SNU13: variants seen among roughly 807,000 people sequenced by gnomAD.
The protein encoded by SNU13 is small nuclear ribonucleoprotein 13, also known as NHP2-like protein 1.
In SNU13, 2 loss-of-function variants were observed where a neutral mutation model predicts 12.4. That is an observed-to-expected ratio of 0.16 (90% CI 0.07 to 0.51). SNU13 has a LOEUF of 0.51. Among genes scored for constraint, SNU13 ranks in the 20% least tolerant of loss-of-function variants. SNU13 has a pLI of 0.96. For missense variants in SNU13, 66 were observed against 157.8 expected (o/e 0.42, Z 3.12); for synonymous variants, 68 against 66.5 (o/e 1.02, Z -0.11).
At position 41,680,293 on chromosome 22, in the gene SNU13, G is replaced by A. The variant is rs140792249; in HGVS notation, c.75C>T (p.Leu25=). 7.5e-4 allele frequency: 1,207 copies of A among 1,613,922 alleles called. 2 individuals are homozygous for A. Among genetic ancestry groups the A allele is most frequent in the Non-Finnish European group, 9.3e-4 (1,092 of 1,179,916 alleles). ...DAHLTKKLLD[L]VQQSCNYKQL... Reference sequence around the variant, plus strand: ...GCTTATAGTTACATGACTGCTGAACGAGGTCCAGTAGCTTCTTGGTGAGGT... The same window carrying A: ...GCTTATAGTTACATGACTGCTGAACAAGGTCCAGTAGCTTCTTGGTGAGGT... The change falls in exon 2 of 3, where the codon CTC becomes CTT. Residue 25 remains leucine (L), a synonymous_variant. Coordinates refer to ENST00000401959, the MANE Select transcript of SNU13 (RefSeq NM_001003796.2).
chr22:41,688,873 ACT>A, upstream of SNU13: 1 of 1,507,196 alleles, frequency 6.6e-7, no homozygotes, highest in Non-Finnish European at 9.0e-7. Context: ...CACCGGAAAA[ACT>A]CACAGAAGCA....
chr22:41,680,790 G>A (rs925117068), intron 1 of SNU13, among the ~76,000 whole-genome samples: 1 of 152,200 alleles, frequency 6.6e-6, no homozygotes, highest in African/African-American at 2.4e-5. Context: ...TGCCTCCCGA[G>A]TTCAAATGAT....
chr22:41,689,802 AC>A (rs2068345669), upstream of SNU13, among the ~76,000 whole-genome samples: 1 of 149,482 alleles, frequency 6.7e-6, no homozygotes, highest in African/African-American at 2.5e-5. Context: ...ATATGGAGAA[AC>A]CCCCGTCTCT....
At chr22:41,677,913 C>T (rs902975355) in intron 2 of SNU13, among the ~76,000 whole-genome samples, 2 of 152,114 alleles carry the variant, frequency 1.3e-5, no homozygotes, top group Non-Finnish European at 2.9e-5. Flanking sequence ...CTGAATACTC[C>T]ATCTAAAAAG....
chr22:41,690,158 C>A (rs1327605220), upstream of SNU13, among the ~76,000 whole-genome samples: 1 of 152,006 alleles, frequency 6.6e-6, no homozygotes, highest in East Asian at 1.9e-4. Context: ...AAGTAATTCC[C>A]CCACAGGAAA....
At chr22:41,684,293 G>C (rs76424328) in intron 1 of SNU13, among the ~76,000 whole-genome samples, 10,170 of 152,238 alleles carry the variant, frequency 0.067, 1,088 homozygotes, top group African/African-American at 0.23. Context: ...AGACCCAGCA[G>C]TATGCTCTAC....
intron 2 of SNU13, among the ~76,000 whole-genome samples, chr22:41,677,564 A>C (rs1287595246): frequency 6.6e-6 from 1 of 152,128 alleles, no homozygotes; most frequent in Non-Finnish European, 1.5e-5. Context: ...AATACCTGAC[A>C]CATGGCAAAT....
At chr22:41,685,430 C>T (rs1357737553) in intron 1 of SNU13, among the ~76,000 whole-genome samples, 2 of 151,822 alleles carry the variant, frequency 1.3e-5, no homozygotes, top group East Asian at 2.0e-4. Context: ...CTCGGCTCAC[C>T]GCAACTTCTG....
At chr22:41,685,130 G>A (rs1177459217) in intron 1 of SNU13, among the ~76,000 whole-genome samples, 1 of 148,552 alleles carries the variant, frequency 6.7e-6, no homozygotes, top group Non-Finnish European at 1.5e-5. Context: ...ACTCCAGCCT[G>A]GGCGAAAGAG....
chr22:41,686,903 G>C (rs904397164), intron 1 of SNU13, among the ~76,000 whole-genome samples: 3 of 151,810 alleles, frequency 2.0e-5, no homozygotes, highest in African/African-American at 7.3e-5. Context: ...GGGATTACAG[G>C]CGTGAGCCAC....
chr22:41,681,935 C>G (rs184272182), intron 1 of SNU13, among the ~76,000 whole-genome samples: 15 of 152,240 alleles, frequency 9.9e-5, no homozygotes, highest in African/African-American at 3.1e-4. Flanking sequence ...CTGCCTATTC[C>G]GCTCCTTCCA....
At chr22:41,684,373 T>C (rs893736254) in intron 1 of SNU13, among the ~76,000 whole-genome samples, 3 of 152,220 alleles carry the variant, frequency 2.0e-5, no homozygotes, top group Non-Finnish European at 2.9e-5. Flanking sequence ...TATTTTGTGC[T>C]AGTGTTTTTT....
intron 2 of SNU13, among the ~76,000 whole-genome samples, chr22:41,677,093 T>C (rs530597467): frequency 1.3e-5 from 2 of 152,340 alleles, no homozygotes; most frequent in African/African-American, 4.8e-5. Flanking sequence ...CACGCATCTT[T>C]CTTTTCCACT....
At chr22:41,682,448 C>T in intron 1 of SNU13, 1 of 1,607,290 alleles carries the variant, frequency 6.2e-7, no homozygotes, top group Non-Finnish European at 8.5e-7. Context: ...CGCAAGGACA[C>T]GGATGCCCCG....
chr22:41,681,776 G>A (rs2068265429), intron 1 of SNU13, among the ~76,000 whole-genome samples: 3 of 152,208 alleles, frequency 2.0e-5, no homozygotes, highest in Admixed American at 2.0e-4. Flanking sequence ...TACTCGAGAG[G>A]CTGACGCAGA....
In SNU13 at chr22:41,688,819, C is replaced by A; in HGVS notation, c.-23G>T. 2 of 1,598,754 alleles carry A rather than the reference C, an allele frequency of 1.3e-6. 1 individual carries two copies. The highest frequency in any genetic ancestry group is 2.2e-5 in the South Asian group (2 of 90,448). The stretch of plus-strand genomic sequence containing the variant: ...CATGGCTGCGGTTCCGCGGGCTCAG[C>A]ACTCCTAGGGGAGCGCAGCTGACGT... On this transcript the variant is annotated 5_prime_UTR_variant, in exon 1 of 3. Coordinates refer to ENST00000401959, the MANE Select transcript of SNU13 (RefSeq NM_001003796.2).
At chr22:41,675,219 T>A (rs1451649729) in intron 2 of SNU13, 24 bp from the exon 3 acceptor site, 1 of 1,607,480 alleles carries the variant, frequency 6.2e-7, no homozygotes, top group Non-Finnish European at 8.5e-7. Flanking sequence ...GACGTGAAGC[T>A]AATAGGTGAT....
Position 41,674,022 on chromosome 22 carries a change from C to G in SNU13, c.*911G>C, listed in dbSNP as rs1229996948. 6.6e-6 allele frequency: 1 copy of G among 152,194 alleles called. No individual in the cohort carries two copies. The highest frequency in any genetic ancestry group is 1.9e-4 in the East Asian group (1 of 5,202). 9.4% of individuals were successfully genotyped at this position (152,194 alleles called of 1,614,324 possible). A position where few individuals can be genotyped will look rare whatever the true frequency, so the allele number is the denominator to read the frequency against. On this transcript the variant is annotated 3_prime_UTR_variant, in exon 3 of 3. Coordinates refer to ENST00000401959, the MANE Select transcript of SNU13 (RefSeq NM_001003796.2). The stretch of plus-strand genomic sequence containing the variant: ...TCTCCTCATGTGACAGAGAGTACAT[C>G]TGACCCACATGGTGGCAGGACACAG...
At position 41,680,302 on chromosome 22, in the gene SNU13, T is replaced by A; in HGVS notation, c.66A>T (p.Leu22=). Residue 22 remains leucine (L), a synonymous_variant, in exon 2 of 3, where the codon CTA becomes CTT. Transcript: ENST00000401959. ...TACATGACTGCTGAACGAGGTCCAG[T>A]AGCTTCTTGGTGAGGTGGGCATCGG... ...PLADAHLTKK[L]LDLVQQSCNY... The A allele has an allele frequency of 6.2e-7, 1 of 1,613,960 alleles. No homozygotes were observed. The highest frequency in any genetic ancestry group is 8.5e-7 in the Non-Finnish European group (1 of 1,179,944).
Sources: allele counts gnomAD v4.1 joint callset (sites outside exome capture counted in the v4.1 genomes callset), GRCh38; gene constraint gnomAD v4.1.1; transcripts MANE v1.5; gene names NCBI Gene and HGNC (gene_info 2026-07-23, HGNC 2026-07-21).